CCDC180: variants seen among roughly 807,000 people sequenced by gnomAD.
The protein encoded by CCDC180 is coiled-coil domain containing 180.
Under a neutral mutation model 209.2 loss-of-function variants are expected in CCDC180, and 154 were observed. The observed-to-expected ratio is 0.74, with a 90% CI of 0.65 to 0.84. The LOEUF is 0.84. CCDC180 is among the 40% of genes least tolerant of loss of function. CCDC180 has a pLI of 0.00. For synonymous variants in CCDC180, 778 were observed against 749.1 expected (o/e 1.04, Z -0.63); for missense variants, 1,874 against 1,997.3 (o/e 0.94, Z 1.18).
chr9:97,375,711 AG>A lies in CCDC180; in HGVS notation c.4842+123del, dbSNP rs561323426. On this transcript the variant is annotated intron_variant, in intron 36 of 36. Transcript: ENST00000529487. ...GCTGGTGCAGCAGGCAACACATGTC[AG>A]CACACCCCAGAGCTGCAGGTCTCAA... 80 of 1,171,732 alleles carry A rather than the reference AG, an allele frequency of 6.8e-5. No individual in the cohort carries two copies. The Admixed American group carries it at 7.9e-4, about 12-fold the overall frequency. 72.6% of individuals were successfully genotyped at this position (1,171,732 alleles called of 1,614,324 possible). A position where few individuals can be genotyped will look rare whatever the true frequency, so the allele number is the denominator to read the frequency against.
At chr9:97,333,519 T>G (rs1362544125) in intron 18 of CCDC180, among the ~76,000 whole-genome samples, 4 of 150,028 alleles carry the variant, frequency 2.7e-5, no homozygotes, top group East Asian at 1.9e-4. Context: ...TTTTTTTTTT[T>G]TTTTTTTTTT....
chr9:97,336,235 C>T (rs776329464), intron 18 of CCDC180, among the ~76,000 whole-genome samples: 4 of 152,166 alleles, frequency 2.6e-5, no homozygotes, highest in Non-Finnish European at 4.4e-5. Context: ...GAAGTCCTTG[C>T]CCATGCCTAT....
intron 33 of CCDC180, 162 bp from the exon 34 acceptor site, chr9:97,371,433 A>AT: frequency 2.1e-6 from 1 of 478,578 alleles, no homozygotes; most frequent in Non-Finnish European, 3.8e-6. Context: ...ACATCTTGGG[A>AT]GAGGCCTCCT....
rs758906870 is a variant in CCDC180 at position 97,370,070 on chromosome 9, G to A, written c.4338G>A (p.Leu1446=). 19 of 1,613,892 alleles carry A rather than the reference G, an allele frequency of 1.2e-5. No individual in the cohort carries two copies. The highest frequency in any genetic ancestry group is 1.6e-5 in the Non-Finnish European group (19 of 1,179,944). The change falls in exon 32 of 37, where the codon CTG becomes CTA. Residue 1446 remains leucine, a synonymous_variant. Coordinates refer to ENST00000529487, the MANE Select transcript of CCDC180 (RefSeq NM_020893.6). ...RGQFEEQQKR[L]EKRKDKNAQK... is the part of the protein sequence containing the mutation. ...AGTTCGAGGAACAGCAGAAGCGGCT[G>A]GAGAAAAGAAAGGTGAGGGCCCCAG...
chr9:97,315,846 C>T (rs540064648), intron 8 of CCDC180, among the ~76,000 whole-genome samples: 1 of 152,244 alleles, frequency 6.6e-6, no homozygotes, highest in East Asian at 1.9e-4. Flanking sequence ...GAGCTTGCTG[C>T]GTCGTTAAAT....
At chr9:97,355,408 A>G (rs1826551778) in intron 24 of CCDC180, among the ~76,000 whole-genome samples, 1 of 152,118 alleles carries the variant, frequency 6.6e-6, no homozygotes, top group South Asian at 2.1e-4. Context: ...CTCCTGCCTC[A>G]ACCTCCCAAA....
chr9:97,369,859 T>A (rs1827027467), intron 31 of CCDC180, 63 bp from the exon 32 acceptor site: 2 of 1,571,764 alleles, frequency 1.3e-6, no homozygotes, highest in Admixed American at 3.4e-5. Flanking sequence ...GTTGTAGAGA[T>A]CGCCTCTGCA....
intron 18 of CCDC180, among the ~76,000 whole-genome samples, chr9:97,331,213 A>G (rs1282110833): frequency 6.6e-6 from 1 of 152,148 alleles, no homozygotes; most frequent in East Asian, 1.9e-4. Context: ...TGCTTAGGAT[A>G]ATGGCCTCCA....
intron 35 of CCDC180, among the ~76,000 whole-genome samples, chr9:97,375,038 G>A (rs1242412544): frequency 1.3e-5 from 2 of 152,206 alleles, no homozygotes; most frequent in Non-Finnish European, 2.9e-5. Context: ...CCTGTTCCCT[G>A]TGCCCCAAGA....
At chr9:97,349,595 G>A (rs1490555108) in intron 21 of CCDC180, among the ~76,000 whole-genome samples, 3 of 152,190 alleles carry the variant, frequency 2.0e-5, no homozygotes, top group African/African-American at 7.2e-5. Flanking sequence ...ATCAGGGAGG[G>A]CTTCCTGCAG....
intron 20 of CCDC180, 28 bp from the exon 21 acceptor site, chr9:97,349,083 G>T: frequency 6.6e-7 from 1 of 1,526,118 alleles, no homozygotes; most frequent in African/African-American, 1.4e-5. Context: ...GGGTCCCCGG[G>T]GCCCCAGCTC....
At chr9:97,350,884 C>T (rs1280806351) in intron 22 of CCDC180, among the ~76,000 whole-genome samples, 1 of 152,214 alleles carries the variant, frequency 6.6e-6, no homozygotes, top group Non-Finnish European at 1.5e-5. Context: ...CTAGGTACTT[C>T]ATATAAGTGG....
intron 4 of CCDC180, 28 bp downstream of exon 4, chr9:97,312,229 G>A (rs767137154): frequency 1.2e-6 from 2 of 1,600,530 alleles, no homozygotes; most frequent in Non-Finnish European, 1.7e-6. Flanking sequence ...CTCAAGGCAG[G>A]CCTGTCCTGG....
Position 97,330,627 on chromosome 9 carries a change from A to G in CCDC180, c.2134A>G (p.Asn712Asp). Residue 712 changes from asparagine to aspartate, a missense_variant, in exon 18 of 37, where the codon AAT becomes GAT. Coordinates refer to ENST00000529487, the MANE Select transcript of CCDC180 (RefSeq NM_020893.6). ...CTTAAACCCATCCCTGAATGAGGAG[A>G]ATGTGAAGGGTCAAGGAGAAAAGAA... ...GSLNPSLNEENVKGQGEKKEE... is the reference protein window; with the variant it reads ...GSLNPSLNEEDVKGQGEKKEE... 1.9e-6 allele frequency: 3 copies of G among 1,613,652 alleles called. No individual in the cohort carries two copies. The highest frequency in any genetic ancestry group is 2.5e-6 in the Non-Finnish European group (3 of 1,179,860).
At chr9:97,370,112 C>G in intron 32 of CCDC180, 30 bp downstream of exon 32, 1 of 1,603,994 alleles carries the variant, frequency 6.2e-7, no homozygotes. Flanking sequence ...CCCTTCCACT[C>G]TAGGACCAGG....
intron 14 of CCDC180, 93 bp from the exon 15 acceptor site, chr9:97,326,461 T>C: frequency 1.3e-6 from 1 of 761,952 alleles, no homozygotes. Context: ...CACCTGGGCC[T>C]CAGTTCCAGC....
chr9:97,377,481 T>G lies in CCDC180; in HGVS notation c.*587T>G, dbSNP rs1327752845. On this transcript the variant is annotated 3_prime_UTR_variant, in exon 37 of 37. Coordinates refer to ENST00000529487, the MANE Select transcript of CCDC180 (RefSeq NM_020893.6). Reference sequence around the variant, plus strand: ...CTGCCAGTCTCTTGTTCGTCAACTCTCTTCTTCAATTACATGGCGTGAGCG... The same window carrying G: ...CTGCCAGTCTCTTGTTCGTCAACTCGCTTCTTCAATTACATGGCGTGAGCG... 2 of 152,396 alleles carry G rather than the reference T, an allele frequency of 1.3e-5. No individual in the cohort carries two copies. The highest frequency in any genetic ancestry group is 2.4e-5 in the African/African-American group (1 of 41,438). The allele number at this position is 152,396 out of a possible 1,614,324, so 9.4% of individuals were successfully genotyped here.
intron 32 of CCDC180, 38 bp downstream of exon 32, chr9:97,370,120 A>G (rs1827037916): frequency 6.3e-7 from 1 of 1,596,160 alleles, no homozygotes; most frequent in South Asian, 1.1e-5. Context: ...CTCTAGGACC[A>G]GGGGAACTGG....
At chr9:97,374,417 C>T in intron 34 of CCDC180, 126 bp from the exon 35 acceptor site, 1 of 687,136 alleles carries the variant, frequency 1.5e-6, no homozygotes, top group East Asian at 2.7e-5. Flanking sequence ...GAGGGCTCAG[C>T]CTGCCATAAC....
Sources: gnomAD v4.1 joint callset for allele counts (sites outside exome capture counted in the v4.1 genomes callset) on GRCh38, gnomAD v4.1.1 for gene constraint, MANE v1.5 for transcripts, NCBI Gene and HGNC (gene_info 2026-07-23, HGNC 2026-07-21) for gene names.